The following SULF1 variants were observed in gnomAD, a reference collection of about 807,000 sequenced individuals.
The protein encoded by SULF1 is sulfatase 1.
Under a neutral mutation model 110.5 loss-of-function variants are expected in SULF1, and 46 were observed. That is an observed-to-expected ratio of 0.42 (90% CI 0.33 to 0.53). SULF1 has a LOEUF of 0.53. Ranked by LOEUF, SULF1 falls within the 20% of genes least tolerant of loss-of-function variation. SULF1 has a pLI of 0.12. For missense variants in SULF1, 941 were observed against 1,094.2 expected, an observed-to-expected ratio of 0.86 and a Z score of 1.98; for synonymous variants, 371 against 387.1, an observed-to-expected ratio of 0.96 and a Z score of 0.49.
intron 19 of SULF1, among the ~76,000 whole-genome samples, chr8:69,633,790 T>G (rs961388727): frequency 1.3e-5 from 2 of 152,160 alleles, no homozygotes; most frequent in African/African-American, 4.8e-5. Flanking sequence ...CGTTAGGTAT[T>G]TTTTAATGCC....
At chr8:69,498,589 G>A (rs1275988456) in intron 2 of SULF1, among the ~76,000 whole-genome samples, 3 of 152,150 alleles carry the variant, frequency 2.0e-5, no homozygotes, top group African/African-American at 7.2e-5. Context: ...GGTAAACTAA[G>A]TACCACACTA....
At chr8:69,618,340 A>G (rs1809339780) in intron 13 of SULF1, among the ~76,000 whole-genome samples, 1 of 152,244 alleles carries the variant, frequency 6.6e-6, no homozygotes, top group Non-Finnish European at 1.5e-5. Flanking sequence ...TTTCGTCTGT[A>G]TTGAACCTGC....
At chr8:69,508,812 G>A (rs546837896) in intron 3 of SULF1, among the ~76,000 whole-genome samples, 28 of 152,288 alleles carry the variant, frequency 1.8e-4, no homozygotes, top group African/African-American at 6.5e-4. Flanking sequence ...TCTAGCCCGA[G>A]GTATGATGCC....
At chr8:69,509,693 T>C (rs567045940) in intron 3 of SULF1, among the ~76,000 whole-genome samples, 5 of 152,316 alleles carry the variant, frequency 3.3e-5, no homozygotes, top group Admixed American at 2.0e-4. Flanking sequence ...ATCCCTCTGC[T>C]CACTGTCCAT....
intron 22 of SULF1, among the ~76,000 whole-genome samples, chr8:69,649,972 C>CTTTTTATTTTTTTTT (rs1812203539): frequency 3.3e-5 from 1 of 30,568 alleles, no homozygotes; most frequent in African/African-American, 1.1e-4. Flanking sequence ...CTCCTGCTTG[C>CTTTTTATTTTTTTTT]TTTTTTTTTT....
At chr8:69,578,721 T>C (rs1197119186) in intron 6 of SULF1, among the ~76,000 whole-genome samples, 1 of 151,970 alleles carries the variant, frequency 6.6e-6, no homozygotes, top group Non-Finnish European at 1.5e-5. Flanking sequence ...CCAGGGAGAG[T>C]AGATTTGCTC....
At chr8:69,531,372 G>A (rs1252178281) in intron 3 of SULF1, among the ~76,000 whole-genome samples, 2 of 152,176 alleles carry the variant, frequency 1.3e-5, no homozygotes, top group East Asian at 1.9e-4. Context: ...CCCATAGGGT[G>A]GAGTACTATG....
rs116068466 is a variant in SULF1 at position 69,557,420 on chromosome 8, A to C, written c.-133-6119A>C. Among the ~76,000 whole-genome samples, 1,325 of 152,260 alleles carry C rather than the reference A, an allele frequency of 8.7e-3. 15 individuals carry two copies. Among genetic ancestry groups the C allele is most frequent in the African/African-American group, 0.029 (1,210 of 41,548 alleles). Reference sequence around the variant, plus strand: ...ACAAATTTTAATTTGGACTTTATGCATTCTCTAAAATGCCCTTCGGAAGCT... The same window carrying C: ...ACAAATTTTAATTTGGACTTTATGCCTTCTCTAAAATGCCCTTCGGAAGCT... On this transcript the variant is annotated intron_variant, in intron 3 of 22. Coordinates refer to ENST00000402687, the MANE Select transcript of SULF1 (RefSeq NM_001128205.2).
intron 5 of SULF1, among the ~76,000 whole-genome samples, chr8:69,572,948 C>T (rs970532075): frequency 7.2e-5 from 11 of 152,212 alleles, no homozygotes; most frequent in African/African-American, 2.7e-4. Flanking sequence ...CTGCCTCAGC[C>T]TCCCAAGTAG....
Position 69,601,719 on chromosome 8 carries a change from T to C in SULF1, c.951T>C (p.His317=), listed in dbSNP as rs754331839. 17 of 1,613,616 alleles carry C rather than the reference T, an allele frequency of 1.1e-5. No homozygotes were observed. The highest frequency in any genetic ancestry group is 2.5e-6 in the Non-Finnish European group (3 of 1,179,856). Residue 317 remains histidine (H), a synonymous_variant, in exon 10 of 23, where the codon CAT becomes CAC. Transcript: ENST00000402687. ...CTTACATCATTTACACCGCCGACCA[T>C]GGTTACCATATTGGGCAGTTTGGAC... ...ENTYIIYTAD[H]GYHIGQFGLV...
At chr8:69,494,435 A>T (rs1456997193) in intron 1 of SULF1, among the ~76,000 whole-genome samples, 1 of 152,222 alleles carries the variant, frequency 6.6e-6, no homozygotes, top group African/African-American at 2.4e-5. Context: ...GGGAAATATT[A>T]TAAAATTATG....
chr8:69,566,751 T>C (rs1474948627), intron 5 of SULF1, among the ~76,000 whole-genome samples: 1 of 152,108 alleles, frequency 6.6e-6, no homozygotes, highest in African/African-American at 2.4e-5. Context: ...CTCTGGAGGC[T>C]GAGGCAGGAG....
chr8:69,533,995 G>A lies in SULF1; in HGVS notation c.-133-29544G>A, dbSNP rs536999874. ...AGTCAACTATTTTTCCTGGCTTAAG[G>A]GAGTTTTATTCTTAGCAGTTATGAT... On this transcript the variant is annotated intron_variant, in intron 3 of 22. Coordinates refer to ENST00000402687, the MANE Select transcript of SULF1 (RefSeq NM_001128205.2). Among the ~76,000 whole-genome samples the A allele has an allele frequency of 3.3e-5, 5 of 152,282 alleles. No homozygotes were observed. The South Asian group carries it at 8.3e-4, about 25-fold the overall frequency.
At position 69,586,357 on chromosome 8, in the gene SULF1, C is replaced by A. The variant is rs1365930490; in HGVS notation, c.413C>A (p.Ala138Asp). The part of the protein sequence containing the change: ...VYLNNTGYRT[A>D]FFGKYLNEYN... ...AAATAATTCTTTTTTCCCACTGCAG[C>A]CTTTTTTGGAAAATACCTCAATGAA... is the stretch of plus-strand genomic sequence containing the variant. The change falls in exon 7 of 23, where the codon GCC becomes GAC. Residue 138 changes from alanine (A) to aspartate (D), a missense_variant and splice_region_variant. By Grantham distance (126) the Ala-to-Asp change is moderately radical (BLOSUM62 -2). Transcript: ENST00000402687. 1 of 1,553,028 alleles carries A rather than the reference C, an allele frequency of 6.4e-7. No individual in the cohort carries two copies. Among genetic ancestry groups the A allele is most frequent in the Non-Finnish European group, 8.7e-7 (1 of 1,154,198 alleles).
At chr8:69,477,865 TG>T (rs1809365721) in intron 1 of SULF1, among the ~76,000 whole-genome samples, 1 of 151,474 alleles carries the variant, frequency 6.6e-6, no homozygotes, top group African/African-American at 2.4e-5. Flanking sequence ...CATTCTCCTT[TG>T]TTTTTTTTTG....
intron 19 of SULF1, among the ~76,000 whole-genome samples, chr8:69,633,866 A>G (rs991306240): frequency 6.6e-6 from 1 of 152,160 alleles, no homozygotes; most frequent in East Asian, 1.9e-4. Flanking sequence ...CCTGAGATTG[A>G]TCAATTATTC....
chr8:69,570,854 C>A lies in SULF1; in HGVS notation c.173-5116C>A, dbSNP rs190524168. On this transcript the variant is annotated intron_variant, in intron 5 of 22. Transcript: ENST00000402687. ...CAATGGAAGATGTTCTCAGTCCCAGCCTGGAACTGGGGCACTGGGACAGTG... is the reference window on the plus strand; with the variant it reads ...CAATGGAAGATGTTCTCAGTCCCAGACTGGAACTGGGGCACTGGGACAGTG... Among the ~76,000 whole-genome samples the A allele has an allele frequency of 1.9e-3, 297 of 152,338 alleles. 2 individuals carry two copies. Among genetic ancestry groups the A allele is most frequent in the South Asian group, 0.018 (86 of 4,830 alleles).
intron 14 of SULF1, among the ~76,000 whole-genome samples, chr8:69,621,916 T>C (rs371097452): frequency 5.3e-5 from 8 of 152,342 alleles, no homozygotes; most frequent in African/African-American, 1.7e-4. Context: ...TGGAGTAACA[T>C]GGAAAATGAC....
intron 3 of SULF1, among the ~76,000 whole-genome samples, chr8:69,556,737 C>G (rs868269062): frequency 3.9e-5 from 6 of 152,272 alleles, no homozygotes; most frequent in Middle Eastern, 3.4e-3. Flanking sequence ...TGCCCTTCCC[C>G]CAAACCCACT....
Sources: allele counts gnomAD v4.1 joint callset (sites outside exome capture counted in the v4.1 genomes callset), GRCh38; gene constraint gnomAD v4.1.1; transcripts MANE v1.5; gene names NCBI Gene and HGNC (gene_info 2026-07-23, HGNC 2026-07-21).